Variants in XRN1 observed in about 807,000 individuals in gnomAD.
XRN1 encodes the protein strand-exchange protein 1 homolog.
A neutral mutation model predicts 222.3 loss-of-function variants in XRN1; 67 were observed. The ratio of observed to expected loss-of-function variants is 0.30; its 90% CI spans 0.25 to 0.37. The LOEUF is 0.37. Ranked by LOEUF, XRN1 falls within the 10% of genes least tolerant of loss-of-function variation. The pLI, the probability that XRN1 is intolerant of heterozygous loss-of-function variation, is 1.00. For missense variants in XRN1, 1,707 were observed against 2,000.2 expected, an observed-to-expected ratio of 0.85 and a Z score of 2.80; for synonymous variants, 643 against 652.4, an observed-to-expected ratio of 0.99 and a Z score of 0.22.
intron 33 of XRN1, among the ~76,000 whole-genome samples, chr3:142,347,023 G>A (rs905947718): frequency 2.6e-5 from 4 of 152,134 alleles, no homozygotes; most frequent in African/African-American, 9.7e-5. Flanking sequence ...ACTGCTAATA[G>A]GTATGGTGTT....
At chr3:142,441,247 C>T (rs754893656) in intron 1 of XRN1, among the ~76,000 whole-genome samples, 1 of 152,138 alleles carries the variant, frequency 6.6e-6, no homozygotes. Context: ...AGGTTTCTGC[C>T]GAATATGGAT....
intron 27 of XRN1, among the ~76,000 whole-genome samples, chr3:142,367,026 G>A (rs1216410517): frequency 1.3e-5 from 2 of 152,158 alleles, no homozygotes; most frequent in Non-Finnish European, 1.5e-5. Context: ...AGAGGCTTAC[G>A]CCTGTAATCC....
At chr3:142,428,325 G>A (rs1028841879) in intron 2 of XRN1, among the ~76,000 whole-genome samples, 1 of 150,148 alleles carries the variant, frequency 6.7e-6, no homozygotes, top group African/African-American at 2.5e-5. Context: ...AACCCAGGGG[G>A]CAGAGGCCAT....
intron 20 of XRN1, among the ~76,000 whole-genome samples, chr3:142,392,945 T>C (rs1235082492): frequency 1.5e-4 from 22 of 149,426 alleles, no homozygotes; most frequent in Non-Finnish European, 9.0e-5. Context: ...CCACCAACAG[T>C]GTAAAAGTGT....
chr3:142,383,241 A>C (rs1262808805), intron 22 of XRN1, 59 bp downstream of exon 22: 7 of 1,273,088 alleles, frequency 5.5e-6, no homozygotes, highest in Non-Finnish European at 7.8e-6. Context: ...AATGAAGAGA[A>C]GTTAAGTAAC....
chr3:142,312,251 G>C (rs1237255624), intron 40 of XRN1, among the ~76,000 whole-genome samples: 1 of 152,050 alleles, frequency 6.6e-6, no homozygotes, highest in Non-Finnish European at 1.5e-5. Flanking sequence ...CTGCGTTCCA[G>C]CCTGGGCTAC....
rs950143316 is a variant in XRN1 at position 142,328,066 on chromosome 3, C to G, written c.4404+1368G>C. Reference sequence around the variant, plus strand: ...ATACACCACATTTTCTTTATCCAATCATCTGTTGATGGACCCTTAGGTTGA... The same window carrying G: ...ATACACCACATTTTCTTTATCCAATGATCTGTTGATGGACCCTTAGGTTGA... On this transcript the variant is annotated intron_variant, in intron 37 of 40. Transcript: ENST00000392981. Among the ~76,000 whole-genome samples, 10 of 152,172 alleles carry G rather than the reference C, an allele frequency of 6.6e-5. No homozygotes were observed. In the East Asian group the frequency reaches 1.9e-3, roughly 29 times the overall value.
At chr3:142,384,100 C>T (rs2067402689) in intron 21 of XRN1, among the ~76,000 whole-genome samples, 1 of 151,808 alleles carries the variant, frequency 6.6e-6, no homozygotes, top group Admixed American at 6.6e-5. Flanking sequence ...GAAACCCCAT[C>T]TCCACTAAAA....
rs929579227 is a variant in XRN1, at chr3:142,307,848, T to G, written c.*3663A>C. On this transcript the variant is annotated 3_prime_UTR_variant, in exon 41 of 41. Transcript: ENST00000392981. ...GCCAGTTTGAGTACTATAATTTATC[T>G]CTAGAAAAATGACAAATGAACTTCT... 1 of 152,158 alleles carries G rather than the reference T, an allele frequency of 6.6e-6. No individual in the cohort carries two copies. Among genetic ancestry groups the G allele is most frequent in the African/African-American group, 2.4e-5 (1 of 41,446 alleles). The allele number at this position is 152,158 out of a possible 1,614,324, so 9.4% of individuals were successfully genotyped here. A position where few individuals can be genotyped will look rare whatever the true frequency, so the allele number is the denominator to read the frequency against.
chr3:142,336,510 G>A (rs2065855915), intron 33 of XRN1, among the ~76,000 whole-genome samples: 2 of 151,782 alleles, frequency 1.3e-5, no homozygotes, highest in South Asian at 4.2e-4. Flanking sequence ...AAGAAGCAGG[G>A]GAAGGGGAAT....
chr3:142,407,772 GTC>G (rs932142791), intron 15 of XRN1: 1 of 151,932 alleles, frequency 6.6e-6, no homozygotes, highest in African/African-American at 2.4e-5. Context: ...AGAGAGCACT[GTC>G]TTTTTTTAAA....
At chr3:142,321,949 T>C (rs933738481) in intron 37 of XRN1, among the ~76,000 whole-genome samples, 6 of 152,170 alleles carry the variant, frequency 3.9e-5, no homozygotes, top group African/African-American at 1.4e-4. Context: ...TTAGATGTCT[T>C]TTATTTATTT....
chr3:142,314,349 T>TATCA (rs1439842260), intron 39 of XRN1, among the ~76,000 whole-genome samples: 1 of 152,146 alleles, frequency 6.6e-6, no homozygotes, highest in Admixed American at 6.5e-5. Flanking sequence ...AAGGTTAAAA[T>TATCA]ATCAATAATA....
intron 37 of XRN1, among the ~76,000 whole-genome samples, chr3:142,327,075 T>C (rs747838802): frequency 1.3e-4 from 20 of 152,176 alleles, no homozygotes; most frequent in Non-Finnish European, 1.9e-4. Flanking sequence ...CCTGTAGTTC[T>C]CATTTTTTGT....
At position 142,447,900 on chromosome 3, in the gene XRN1, G is replaced by A; in HGVS notation, c.45C>T (p.Pro15=). 1 of 1,613,996 alleles carries A rather than the reference G, an allele frequency of 6.2e-7. No individual in the cohort carries two copies. ...GCTCTTTCACCACTTCGCTGAGACAGGGATACCGCTCTGAGATCCATCTGT... is the reference window on the plus strand; with the variant it reads ...GCTCTTTCACCACTTCGCTGAGACAAGGATACCGCTCTGAGATCCATCTGT... ...KFYRWISERY[P]CLSEVVKEHQ... Residue 15 remains proline (P), a synonymous_variant, in exon 1 of 41, where the codon CCC becomes CCT. Transcript: ENST00000392981. This position sits in a 1 kb window ranked among gnomAD's most constrained non-coding sequence, Gnocchi z 4.2.
intron 32 of XRN1, among the ~76,000 whole-genome samples, chr3:142,352,299 G>A (rs960458299): frequency 2.6e-5 from 4 of 152,164 alleles, no homozygotes; most frequent in African/African-American, 9.7e-5. Flanking sequence ...GCAGTGTGGT[G>A]CAGTAAGTAC....
chr3:142,359,938 C>A lies in XRN1; in HGVS notation c.3395-7G>T, dbSNP rs760708744. The A allele has an allele frequency of 2.4e-5, 38 of 1,570,124 alleles. No homozygotes were observed. The Admixed American group carries it at 6.6e-4, about 27-fold the overall frequency. The stretch of plus-strand genomic sequence containing the variant: ...ACATCGGCTTCTCTATTAGCTGTTA[C>A]AATAGGGAGAGAAAAAGAGACACTA... On this transcript the variant is annotated splice_region_variant and splice_polypyrimidine_tract_variant and intron_variant, in intron 29 of 40. Coordinates refer to ENST00000392981, the MANE Select transcript of XRN1 (RefSeq NM_001282857.2).
chr3:142,353,716 G>A (rs769233815), intron 32 of XRN1, among the ~76,000 whole-genome samples: 3 of 152,080 alleles, frequency 2.0e-5, no homozygotes, highest in Non-Finnish European at 2.9e-5. Flanking sequence ...ACCTCAAACT[G>A]TAAGAATCCT....
At chr3:142,428,601 G>C (rs1446108574) in intron 2 of XRN1, among the ~76,000 whole-genome samples, 2 of 152,126 alleles carry the variant, frequency 1.3e-5, no homozygotes, top group African/African-American at 4.8e-5. Context: ...GTAGACAGAT[G>C]TGACAAATTT....
Sources: gnomAD v4.1 joint callset for allele counts (sites outside exome capture counted in the v4.1 genomes callset) on GRCh38, gnomAD v4.1.1 for gene constraint, Gnocchi (gnomAD v3.1) non-coding constraint, MANE v1.5 for transcripts, NCBI Gene and HGNC (gene_info 2026-07-23, HGNC 2026-07-21) for gene names.